NUBP2: variants seen among roughly 807,000 people sequenced by gnomAD.
NUBP2 encodes the protein NUBP iron-sulfur cluster assembly factor 2, cytosolic.
In NUBP2, 23 loss-of-function variants were observed where a neutral mutation model predicts 24.9. That is an observed-to-expected ratio of 0.92 (90% confidence interval 0.66 to 1.31). The LOEUF is 1.31. NUBP2 is among the 50% of genes most tolerant of loss of function. The pLI, the probability that NUBP2 is intolerant of heterozygous loss-of-function variation, is 0.00. For missense variants in NUBP2, 403 were observed against 386.5 expected (o/e 1.04, Z -0.36); for synonymous variants, 186 against 170.9 (o/e 1.09, Z -0.69).
intron 1 of NUBP2, chr16:1,786,062 G>A (rs118104889): frequency 0.031 from 34,181 of 1,087,840 alleles, 624 homozygotes; most frequent in Non-Finnish European, 0.036. Context: ...AGCCGGGGAC[G>A]CTGGTGTGTG....
chr16:1,784,247 G>A (rs567512401), intron 1 of NUBP2, among the ~76,000 whole-genome samples: 25 of 151,962 alleles, frequency 1.6e-4, no homozygotes, highest in African/African-American at 6.0e-4. Context: ...GCACCACCCC[G>A]CTTGGCTACA....
At chr16:1,787,308 G>A in intron 3 of NUBP2, 1 of 416,572 alleles carries the variant, frequency 2.4e-6, no homozygotes. Flanking sequence ...AGAGGCTGGT[G>A]GGAGTGAGGC....
intron 1 of NUBP2, chr16:1,785,742 T>G: frequency 1.6e-6 from 2 of 1,289,058 alleles, no homozygotes; most frequent in Non-Finnish European, 2.0e-6. Context: ...CCGGGAGGCT[T>G]TGGACTTGGG....
Position 1,787,991 on chromosome 16 carries a change from G to A in NUBP2, c.540G>A (p.Thr180=), listed in dbSNP as rs141562688. The A allele has an allele frequency of 1.6e-4, 258 of 1,605,258 alleles. No individual in the cohort carries two copies. Among genetic ancestry groups the A allele is most frequent in the Non-Finnish European group, 2.0e-4 (234 of 1,177,330 alleles). Reference sequence around the variant, plus strand: ...GCGAGCTGACCTTCTGTAGGAAGACGGGCTTGCGGGTGATGGGAATCGTGG... The same window carrying A: ...GCGAGCTGACCTTCTGTAGGAAGACAGGCTTGCGGGTGATGGGAATCGTGG... ...VRRELTFCRK[T]GLRVMGIVEN... is the part of the protein sequence containing the mutation. The change falls in exon 5 of 7, where the codon ACG becomes ACA. Residue 180 remains threonine, a synonymous_variant. Transcript: ENST00000262302.
At chr16:1,787,487 AT>A (rs1323787911) in intron 3 of NUBP2, 189 bp from the exon 4 acceptor site, 1 of 736,992 alleles carries the variant, frequency 1.4e-6, no homozygotes, top group Non-Finnish European at 2.2e-6. Context: ...GGACGCTGTA[AT>A]GGCCCCGGCC....
chr16:1,786,477 G>A (rs557049820), intron 1 of NUBP2, 60 bp from the exon 2 acceptor site: 33 of 1,421,920 alleles, frequency 2.3e-5, no homozygotes, highest in African/African-American at 1.1e-4. Context: ...GGGTGACCCC[G>A]CGTGTGTGGG....
intron 3 of NUBP2, chr16:1,787,435 T>G: frequency 5.3e-6 from 3 of 570,288 alleles, no homozygotes; most frequent in Non-Finnish European, 9.3e-6. Context: ...CCTCGGGGAG[T>G]CAGCGGGGGC....
chr16:1,786,219 T>G, intron 1 of NUBP2: 1 of 388,340 alleles, frequency 2.6e-6, no homozygotes, highest in Non-Finnish European at 4.8e-6. Context: ...CACGTGTGTG[T>G]TTGCACACGC....
chr16:1,783,710 T>G (rs72761179), intron 1 of NUBP2: 16,360 of 184,796 alleles, frequency 0.089, 854 homozygotes, highest in South Asian at 0.22. Context: ...TCTTTTGTTT[T>G]TGAGACGGAG....
rs900142011 is a variant in NUBP2 at position 1,789,130 on chromosome 16, T to C, written c.*416T>C. The C allele has an allele frequency of 3.5e-5, 6 of 170,568 alleles. No homozygotes were observed. Among genetic ancestry groups the C allele is most frequent in the African/African-American group, 1.4e-4 (6 of 42,078 alleles). The allele number at this position is 170,568 out of a possible 1,614,324, so 10.6% of individuals were successfully genotyped here. A position where few individuals can be genotyped will look rare whatever the true frequency, so the allele number is the denominator to read the frequency against. ...TAAGGGGGCGAACTGACCTCAGGCA[T>C]GTTTTGTAACTGTAGAGGCGCCTGC... is the stretch of plus-strand genomic sequence containing the variant. On this transcript the variant is annotated 3_prime_UTR_variant, in exon 7 of 7. Coordinates refer to ENST00000262302, the MANE Select transcript of NUBP2 (RefSeq NM_012225.4).
chr16:1,786,415 G>A, intron 1 of NUBP2, 122 bp from the exon 2 acceptor site: 1 of 866,538 alleles, frequency 1.2e-6, no homozygotes, highest in Non-Finnish European at 1.8e-6. Context: ...GGCTGCCTCT[G>A]GGTCTGGCGA....
Position 1,787,689 on chromosome 16 carries a change from A to G in NUBP2, c.347A>G (p.Gln116Arg). 2 of 1,612,518 alleles carry G rather than the reference A, an allele frequency of 1.2e-6. No individual in the cohort carries two copies. The highest frequency in any genetic ancestry group is 1.7e-6 in the Non-Finnish European group (2 of 1,179,864). Residue 116 changes from glutamine to arginine, a missense_variant, in exon 4 of 7, where the codon CAG (glutamine) becomes CGG (arginine). Gln to Arg is a conservative substitution (Grantham distance 43, BLOSUM62 1). Coordinates refer to ENST00000262302, the MANE Select transcript of NUBP2 (RefSeq NM_012225.4). ...CCCGTCTTTGCAGCGCTGATAAAGC[A>G]GTTTGTGTCCGACGTGGCCTGGGGG... ...RGPKKNALIK[Q>R]FVSDVAWGEL...
chr16:1,787,872 C>T (rs770134312), intron 4 of NUBP2, 41 bp downstream of exon 4: 7 of 1,601,536 alleles, frequency 4.4e-6, no homozygotes, highest in Non-Finnish European at 6.0e-6. Flanking sequence ...TGGGTGGCTT[C>T]CCAGAGGGCT....
intron 6 of NUBP2, 30 bp downstream of exon 6, chr16:1,788,237 C>T (rs1445589769): frequency 8.3e-6 from 12 of 1,450,024 alleles, no homozygotes; most frequent in Admixed American, 2.9e-5. Flanking sequence ...GCTGGGGTCG[C>T]GGCCTCCCAT....
chr16:1,787,164 G>C (rs1312715458), intron 3 of NUBP2: 7 of 517,364 alleles, frequency 1.4e-5, no homozygotes, highest in Admixed American at 3.5e-5. Flanking sequence ...CCGGTCAGAG[G>C]GAGTGGGGTC....
chr16:1,786,061 C>T (rs1039183711), intron 1 of NUBP2: 10 of 1,097,062 alleles, frequency 9.1e-6, no homozygotes, highest in Middle Eastern at 4.1e-4. Flanking sequence ...GAGCCGGGGA[C>T]GCTGGTGTGT....
At position 1,788,801 on chromosome 16, in the gene NUBP2, GGGCCCTGCAGGGGCAGGCCCA is replaced by G; in HGVS notation, c.*91_*111del. The G allele has an allele frequency of 6.9e-7, 1 of 1,452,968 alleles. No individual in the cohort carries two copies. Among genetic ancestry groups the G allele is most frequent in the Non-Finnish European group, 9.1e-7 (1 of 1,095,740 alleles). The allele number at this position is 1,452,968 out of a possible 1,614,324, so 90.0% of individuals were successfully genotyped here. A position where few individuals can be genotyped will look rare whatever the true frequency, so the allele number is the denominator to read the frequency against. ...AAACAGAGGCCTGGGCTCGGTTCCCGGGCCCTGCAGGGGCAGGCCCAGGCAGCGTCAGCCGGAGAGCTTCTC... is the reference window on the plus strand; with the variant it reads ...AAACAGAGGCCTGGGCTCGGTTCCCGGGCAGCGTCAGCCGGAGAGCTTCTC... On this transcript the variant is annotated 3_prime_UTR_variant, in exon 7 of 7. Coordinates refer to ENST00000262302, the MANE Select transcript of NUBP2 (RefSeq NM_012225.4).
chr16:1,784,872 C>CCA (rs1896889435), intron 1 of NUBP2: 6 of 149,730 alleles, frequency 4.0e-5, no homozygotes, highest in Admixed American at 1.4e-4. Context: ...ACAGTCTCTA[C>CCA]GAAAAAAATA....
rs374888897 is a variant in NUBP2 at position 1,787,658 on chromosome 16, G to A, written c.335-19G>A. ...AGACCTGCCCTGCCCTGACCGCCCC[G>A]TCTGCCCCGTCTTTGCAGCGCTGAT... On this transcript the variant is annotated intron_variant, in intron 3 of 6. Coordinates refer to ENST00000262302, the MANE Select transcript of NUBP2 (RefSeq NM_012225.4). The A allele has an allele frequency of 6.8e-5, 110 of 1,610,364 alleles. 2 individuals are homozygous for A. In the Middle Eastern group the frequency reaches 8.5e-4, roughly 12 times the overall value.
Sources: allele counts gnomAD v4.1 joint callset (sites outside exome capture counted in the v4.1 genomes callset), GRCh38; gene constraint gnomAD v4.1.1; transcripts MANE v1.5; gene names NCBI Gene and HGNC (gene_info 2026-07-23, HGNC 2026-07-21).